The following KDR variants were observed in gnomAD, a reference collection of about 807,000 sequenced individuals.
KDR encodes kinase insert domain receptor.
Under a neutral mutation model 160.9 loss-of-function variants are expected in KDR, and 43 were observed. The observed-to-expected ratio is 0.27, with a 90% confidence interval of 0.21 to 0.34. KDR has a LOEUF of 0.34. KDR is among the 10% of genes least tolerant of loss of function. KDR has a pLI of 1.00. For synonymous variants in KDR, 617 were observed against 600.1 expected, an observed-to-expected ratio of 1.03 and a Z score of -0.41; for missense variants, 1,469 against 1,666.4, an observed-to-expected ratio of 0.88 and a Z score of 2.06.
chr4:55,103,466 C>G (rs1034235325), intron 13 of KDR, among the ~76,000 whole-genome samples: 3 of 152,124 alleles, frequency 2.0e-5, no homozygotes, highest in African/African-American at 7.2e-5. Context: ...CAGCTAACTG[C>G]GAGCACATAT....
rs1720481334 is a variant in KDR at position 55,107,796 on chromosome 4, A to T, written c.1353T>A (p.Pro451=). 6.2e-7 allele frequency: 1 copy of T among 1,613,714 alleles called. No individual in the cohort carries two copies. Among genetic ancestry groups the T allele is most frequent in the Non-Finnish European group, 8.5e-7 (1 of 1,179,918 alleles). Residue 451 remains proline, a synonymous_variant, in exon 10 of 30, where the codon CCT becomes CCA. Coordinates refer to ENST00000263923, the MANE Select transcript of KDR (RefSeq NM_002253.4). The stretch of plus-strand genomic sequence containing the variant: ...AATACCAGTGGATGTGATGCGGGGG[A>T]GGAATGGCATAGACCGTACATGTCA... The part of the protein sequence containing the change: ...QTLTCTVYAI[P]PPHHIHWYWQ...
At chr4:55,091,862 T>C (rs1311217193) in intron 22 of KDR, among the ~76,000 whole-genome samples, 1 of 152,212 alleles carries the variant, frequency 6.6e-6, no homozygotes, top group African/African-American at 2.4e-5. Flanking sequence ...TGCTCCCCGC[T>C]TGGTGTTTAC....
rs771593658 is a variant in KDR at position 55,079,969 on chromosome 4, C to T, written c.4043G>A (p.Gly1348Glu). The T allele has an allele frequency of 6.2e-7, 1 of 1,614,082 alleles. No individual in the cohort carries two copies. Among genetic ancestry groups the T allele is most frequent in the South Asian group, 1.1e-5 (1 of 91,068 alleles). The change falls in exon 30 of 30, where the codon GGG becomes GAG. Residue 1348 changes from glycine to glutamate, a missense_variant. By Grantham distance (98) the Gly-to-Glu change is moderately conservative. This residue lies in a region of KDR where 229 missense variants were observed against 197.8 expected (regional missense o/e 1.16). Transcript: ENST00000263923. ...AACAGGAGGAGAGCTCAGTGTGGTCCCCGAGTCAGGCTGGAGAATCTGGGC... is the reference window on the plus strand; with the variant it reads ...AACAGGAGGAGAGCTCAGTGTGGTCTCCGAGTCAGGCTGGAGAATCTGGGC... ...STAQILQPDS[G>E]TTLSSPPV
At chr4:55,084,313 C>T (rs898077079) in intron 27 of KDR, among the ~76,000 whole-genome samples, 2 of 152,138 alleles carry the variant, frequency 1.3e-5, no homozygotes, top group Non-Finnish European at 1.5e-5. Flanking sequence ...ACAAATACTG[C>T]ACTTCTTCAG....
chr4:55,111,817 C>G (rs1272479439), intron 7 of KDR, among the ~76,000 whole-genome samples: 2 of 152,192 alleles, frequency 1.3e-5, no homozygotes, highest in Non-Finnish European at 2.9e-5. Flanking sequence ...AGGTCAAGAG[C>G]ATAGCTTTGT....
In KDR at chr4:55,080,024, T is replaced by G. The variant is rs142258660; in HGVS notation, c.3988A>C (p.Ile1330Leu). Residue 1330 changes from isoleucine (I) to leucine (L), a missense_variant, in exon 30 of 30, where the codon ATA becomes CTA. Ile to Leu is a conservative substitution (Grantham distance 5). Coordinates refer to ENST00000263923, the MANE Select transcript of KDR (RefSeq NM_002253.4). ...CTACCGGTTTGCACTCCAATCTCTA[T>G]CAGCTTTAAAAGTTCTGCTTCCTCA... is the stretch of plus-strand genomic sequence containing the variant. ...SSEEAELLKL[I>L]EIGVQTGSTA... 20 of 1,614,162 alleles carry G rather than the reference T, an allele frequency of 1.2e-5. No homozygotes were observed. The South Asian group carries it at 2.2e-4, about 18-fold the overall frequency.
intron 3 of KDR, among the ~76,000 whole-genome samples, chr4:55,116,975 G>T (rs1237511811): frequency 6.6e-6 from 1 of 152,124 alleles, no homozygotes; most frequent in African/African-American, 2.4e-5. Flanking sequence ...AGAATTTAAT[G>T]GTATACCCAA....
intron 9 of KDR, among the ~76,000 whole-genome samples, chr4:55,109,158 C>T (rs1720513653): frequency 6.6e-6 from 1 of 152,020 alleles, no homozygotes; most frequent in African/African-American, 2.4e-5. Flanking sequence ...TCTCGGCTAT[C>T]TGCAACCTCC....
chr4:55,095,646 C>T lies in KDR; in HGVS notation c.2748G>A (p.Val916=). The change falls in exon 20 of 30, where the codon GTG becomes GTA. Residue 916 remains valine (V), a synonymous_variant. Coordinates refer to ENST00000263923, the MANE Select transcript of KDR (RefSeq NM_002253.4). The stretch of plus-strand genomic sequence containing the variant: ...ACAGGTTTCCAAATTTGCAGAATTC[C>T]ACAATCACCATGAGTGGCCCTGCAG... ...TKPGGPLMVI[V]EFCKFGNLST... 1 of 1,613,566 alleles carries T rather than the reference C, an allele frequency of 6.2e-7. No homozygotes were observed. Among genetic ancestry groups the T allele is most frequent in the Non-Finnish European group, 8.5e-7 (1 of 1,179,610 alleles).
chr4:55,124,517 A>G (rs1578142516), intron 1 of KDR, among the ~76,000 whole-genome samples: 1 of 152,184 alleles, frequency 6.6e-6, no homozygotes, highest in East Asian at 1.9e-4. Context: ...CAAGGACCAC[A>G]GCGCTTTGAA....
In KDR at chr4:55,113,186, C is replaced by G. The variant is rs544207802; in HGVS notation, c.976+118G>C. 4.0e-5 allele frequency: 46 copies of G among 1,163,940 alleles called. 1 individual carries two copies. The East Asian group carries it at 9.9e-4, about 25-fold the overall frequency. The allele number at this position is 1,163,940 out of a possible 1,614,324, so 72.1% of individuals were successfully genotyped here. A position where few individuals can be genotyped will look rare whatever the true frequency, so the allele number is the denominator to read the frequency against. Reference sequence around the variant, plus strand: ...CCTCTAGGTCATGTGGCCTCCCTAACAAGAAAAACTAGAAACTATCTTCTG... The same window carrying G: ...CCTCTAGGTCATGTGGCCTCCCTAAGAAGAAAAACTAGAAACTATCTTCTG... On this transcript the variant is annotated intron_variant, in intron 7 of 29. Transcript: ENST00000263923.
intron 2 of KDR, among the ~76,000 whole-genome samples, chr4:55,119,024 C>T (rs2110034818): frequency 3.3e-5 from 5 of 152,232 alleles, no homozygotes; most frequent in Admixed American, 3.3e-4. Flanking sequence ...GGCTGGGCAA[C>T]ATGGTAAAAC....
chr4:55,123,890 A>G (rs1720959108), intron 1 of KDR, among the ~76,000 whole-genome samples: 1 of 152,160 alleles, frequency 6.6e-6, no homozygotes, highest in Non-Finnish European at 1.5e-5. Flanking sequence ...CAAAAGGGCA[A>G]GTTCACCATT....
chr4:55,113,087 C>G (rs1395536710), intron 7 of KDR, among the ~76,000 whole-genome samples: 1 of 152,212 alleles, frequency 6.6e-6, no homozygotes, highest in Non-Finnish European at 1.5e-5. Context: ...TGAACTCTTA[C>G]TGTATATCAG....
rs1434745794 is a variant in KDR, at chr4:55,094,881, G to A, written c.2892C>T (p.Asp964=). ...CTGAGCTCTGGCTACTGGTGATGCT[G>A]TCCAAGCGCCGTTTCAGATCCACAG... ...AIPVDLKRRL[D]SITSSQSSAS... is the part of the protein sequence containing the mutation. The change falls in exon 21 of 30, where the codon GAC becomes GAT. Residue 964 remains aspartate, a synonymous_variant. Transcript: ENST00000263923. 6.2e-7 allele frequency: 1 copy of A among 1,613,866 alleles called. No individual in the cohort carries two copies. Among genetic ancestry groups the A allele is most frequent in the East Asian group, 2.2e-5 (1 of 44,846 alleles).
chr4:55,097,838 A>T, intron 17 of KDR, 72 bp from the exon 18 acceptor site: 1 of 1,051,484 alleles, frequency 9.5e-7, no homozygotes. Context: ...ACGCAGAGAC[A>T]TCAACTAGAT....
chr4:55,099,206 A>G (rs557708171), intron 15 of KDR, among the ~76,000 whole-genome samples: 4 of 152,098 alleles, frequency 2.6e-5, no homozygotes, highest in Admixed American at 1.3e-4. Context: ...TTCTGTAGAG[A>G]CAGGGTCTCA....
Position 55,112,523 on chromosome 4 carries a change from ATTTT to A in KDR, c.976+777_976+780del, listed in dbSNP as rs72203928. Among the ~76,000 whole-genome samples the A allele has an allele frequency of 7.7e-3, 900 of 117,124 alleles. 1 individual carries two copies. The highest frequency in any genetic ancestry group is 0.022 in the African/African-American group (680 of 31,198). 76.8% of individuals were successfully genotyped at this position (117,124 alleles called of 152,430 possible). A position where few individuals can be genotyped will look rare whatever the true frequency, so the allele number is the denominator to read the frequency against. On this transcript the variant is annotated intron_variant, in intron 7 of 29. Transcript: ENST00000263923. ...TGTGGAAGTCAAAAGTTATACCTTG[ATTTT>A]TTTTTTTTTTTTTTTTTTGAGAAGG...
In KDR at chr4:55,125,538, G is replaced by A; in HGVS notation, c.-245C>T. 1 of 601,830 alleles carries A rather than the reference G, an allele frequency of 1.7e-6. No individual in the cohort carries two copies. The highest frequency in any genetic ancestry group is 3.0e-6 in the Non-Finnish European group (1 of 337,972). 37.3% of individuals were successfully genotyped at this position (601,830 alleles called of 1,614,324 possible). A position where few individuals can be genotyped will look rare whatever the true frequency, so the allele number is the denominator to read the frequency against. Reference sequence around the variant, plus strand: ...CGGCGCGCAAGTGATGCCCGGCGCAGGCAGAGGAAACGCAGCGACCACACA... The same window carrying A: ...CGGCGCGCAAGTGATGCCCGGCGCAAGCAGAGGAAACGCAGCGACCACACA... On this transcript the variant is annotated 5_prime_UTR_variant, in exon 1 of 30. Transcript: ENST00000263923.
Sources: gnomAD v4.1 joint callset for allele counts (sites outside exome capture counted in the v4.1 genomes callset) on GRCh38, gnomAD v4.1.1 for gene constraint, gnomAD v4.1.1 regional missense constraint, MANE v1.5 for transcripts, NCBI Gene and HGNC (gene_info 2026-07-23, HGNC 2026-07-21) for gene names.